Variants in BCORL1 observed in about 807,000 individuals in gnomAD.
BCORL1 encodes the protein BCL6 corepressor like 1, also known as BCL-6 corepressor-like protein 1.
BCORL1 carries 7 observed loss-of-function variants against 87.6 expected under a neutral mutation model. That is an observed-to-expected ratio of 0.08 (90% CI 0.05 to 0.15). The LOEUF (loss-of-function observed/expected upper bound fraction) is 0.15, where lower values mean the gene tolerates loss of function less well. Among genes scored for constraint, BCORL1 ranks in the 10% least tolerant of loss-of-function variants. BCORL1 has a pLI of 1.00. For missense variants in BCORL1, 1,215 were observed against 1,499.7 expected (o/e 0.81, Z 3.13); for synonymous variants, 591 against 634.4 (o/e 0.93, Z 1.03).
chrX:130,047,380 G>A (rs61293582), intron 11 of BCORL1, among the ~76,000 whole-genome samples: 1,564 of 111,888 alleles, frequency 0.014, 24 homozygotes, highest in African/African-American at 0.048. Context: ...GTGAACGTCC[G>A]TGAGGAAATG....
At chrX:129,986,457 G>A (rs1926629093) in intron 1 of BCORL1, among the ~76,000 whole-genome samples, 1 of 111,799 alleles carries the variant, frequency 8.9e-6, no homozygotes, top group African/African-American at 3.3e-5. Flanking sequence ...CAGTGACATA[G>A]ACATTCTTGG....
chrX:130,001,394 C>T (rs190660716), intron 1 of BCORL1, among the ~76,000 whole-genome samples: 6 of 112,328 alleles, frequency 5.3e-5, no homozygotes, highest in South Asian at 3.6e-4. Context: ...TGGCCAAGGA[C>T]GCTATTTCTT....
intron 1 of BCORL1, among the ~76,000 whole-genome samples, chrX:130,003,374 C>CTTCTTCTTT (rs59660230): frequency 1.1e-5 from 1 of 91,516 alleles, no homozygotes; most frequent in African/African-American, 4.3e-5. Flanking sequence ...TCTTCTTCTT[C>CTTCTTCTTT]TTTTTTTTTT....
At chrX:130,047,116 T>C (rs1274194189) in intron 11 of BCORL1, among the ~76,000 whole-genome samples, 1 of 111,808 alleles carries the variant, frequency 8.9e-6, no homozygotes, top group African/African-American at 3.3e-5. Context: ...TATTCTCTTA[T>C]GTGGATATAT....
In BCORL1 at chrX:129,982,675, G is replaced by A. The variant is rs772503395; in HGVS notation, c.-132G>A. ...GCGGCTGCTGCCAGTGTGTGGCTCT[G>A]TCTCTCCTCCGCTTTGCTGAGCCCT... is the stretch of plus-strand genomic sequence containing the variant. On this transcript the variant is annotated 5_prime_UTR_variant, in exon 1 of 14. Coordinates refer to ENST00000540052, the MANE Select transcript of BCORL1 (RefSeq NM_001379451.1). The A allele has an allele frequency of 1.3e-4, 15 of 111,633 alleles. No individual in the cohort carries two copies. The highest frequency in any genetic ancestry group is 4.6e-4 in the African/African-American group (14 of 30,668). The allele number at this position is 111,633 out of a possible 1,213,427, so 9.2% of individuals were successfully genotyped here.
chrX:130,013,561 G>A lies in BCORL1; in HGVS notation c.789G>A (p.Pro263=), dbSNP rs779566006. The A allele has an allele frequency of 5.0e-6, 6 of 1,208,780 alleles. No individual in the cohort carries two copies. The highest frequency in any genetic ancestry group is 3.0e-5 in the East Asian group (1 of 33,724). The change falls in exon 4 of 14, where the codon CCG becomes CCA. Residue 263 remains proline (P), a synonymous_variant. Coordinates refer to ENST00000540052, the MANE Select transcript of BCORL1 (RefSeq NM_001379451.1). ...TCCCGGCTCTGGCTCCAGCGCCACC[G>A]TCAGTGCCCACGCTCATCTCTGACT... is the stretch of plus-strand genomic sequence containing the variant. ...APVPALAPAP[P]SVPTLISDSN... is the part of the protein sequence containing the mutation.
chrX:130,014,822 T>A lies in BCORL1; in HGVS notation c.2050T>A (p.Ser684Thr). The change falls in exon 4 of 14, where the codon TCC becomes ACC. Residue 684 changes from serine to threonine, a missense_variant. Around this residue, in one of 5 missense-constraint regions of BCORL1, gnomAD observed 861 missense variants for 1,010.0 expected, o/e 0.85. Coordinates refer to ENST00000540052, the MANE Select transcript of BCORL1 (RefSeq NM_001379451.1). ...GNVTSCLGST[S>T]SPFVIFPEIV... ...TGTCACCTCCTGCCTGGGCTCCACT[T>A]CCTCGCCCTTTGTCATCTTTCCCGA... 4.1e-6 allele frequency: 5 copies of A among 1,210,881 alleles called. No homozygotes were observed. Among genetic ancestry groups the A allele is most frequent in the Non-Finnish European group, 5.6e-6 (5 of 895,239 alleles).
intron 1 of BCORL1, among the ~76,000 whole-genome samples, chrX:129,991,550 C>T (rs1293092100): frequency 9.1e-6 from 1 of 109,524 alleles, no homozygotes; most frequent in Non-Finnish European, 1.9e-5. Flanking sequence ...CTGTGTTGCC[C>T]AGGCTGTTCT....
chrX:130,055,102 T>C (rs1393850433), intron 13 of BCORL1, among the ~76,000 whole-genome samples: 1 of 111,007 alleles, frequency 9.0e-6, no homozygotes, highest in Non-Finnish European at 1.9e-5. Flanking sequence ...GGACCACTAA[T>C]GTGGGGAGGC....
At chrX:130,024,729 A>G (rs1452755308) in intron 6 of BCORL1, among the ~76,000 whole-genome samples, 1 of 111,258 alleles carries the variant, frequency 9.0e-6, no homozygotes, top group Non-Finnish European at 1.9e-5. Context: ...GGTATATTGG[A>G]CTCTGTAAAG....
chrX:130,004,241 G>GT (rs1189082044), intron 1 of BCORL1, among the ~76,000 whole-genome samples: 3,907 of 85,524 alleles, frequency 0.046, 199 homozygotes, highest in African/African-American at 0.11. Flanking sequence ...GAAATGTGTG[G>GT]TTTTTTTTTT....
chrX:130,043,769 TATATATATA>T (rs1249394063), intron 11 of BCORL1, among the ~76,000 whole-genome samples: 3 of 19,642 alleles, frequency 1.5e-4, no homozygotes, highest in Admixed American at 7.6e-4. Flanking sequence ...TATATATATA[TATATATATA>T]TATATATTTT....
chrX:130,034,082 T>C (rs1930788087), intron 8 of BCORL1, among the ~76,000 whole-genome samples: 2 of 111,880 alleles, frequency 1.8e-5, no homozygotes, highest in Non-Finnish European at 3.8e-5. Context: ...CAATAAATGG[T>C]GATTGAGGCA....
intron 12 of BCORL1, among the ~76,000 whole-genome samples, chrX:130,051,247 C>T (rs370327044): frequency 1.8e-5 from 2 of 112,720 alleles, no homozygotes; most frequent in Admixed American, 9.4e-5. Flanking sequence ...GCCTTCTGGC[C>T]GCAGCTTTCC....
At chrX:129,999,557 C>T (rs892378086) in intron 1 of BCORL1, among the ~76,000 whole-genome samples, 1 of 110,020 alleles carries the variant, frequency 9.1e-6, no homozygotes, top group African/African-American at 3.3e-5. Context: ...ATCCACCTGC[C>T]TTGGCCTCCC....
rs922811571 is a variant in BCORL1, at chrX:130,045,094, T to G, written c.4841-5623T>G. On this transcript the variant is annotated intron_variant, in intron 11 of 13. Coordinates refer to ENST00000540052, the MANE Select transcript of BCORL1 (RefSeq NM_001379451.1). Reference sequence around the variant, plus strand: ...AACCCTTTCTACCTCATGCTTGGGCTTGGAGCGCCAAGCCATCCAAACTCC... The same window carrying G: ...AACCCTTTCTACCTCATGCTTGGGCGTGGAGCGCCAAGCCATCCAAACTCC... Among the ~76,000 whole-genome samples the G allele has an allele frequency of 2.7e-5, 3 of 112,043 alleles. No individual in the cohort carries two copies. In the Admixed American group the frequency reaches 2.8e-4, roughly 11 times the overall value.
Position 129,985,277 on chromosome X carries a change from G to A in BCORL1, c.-45+2515G>A, listed in dbSNP as rs748890129. Among the ~76,000 whole-genome samples the A allele has an allele frequency of 9.7e-4, 109 of 111,968 alleles. 1 individual carries two copies. Among genetic ancestry groups the A allele is most frequent in the Non-Finnish European group, 1.9e-3 (101 of 53,247 alleles). The stretch of plus-strand genomic sequence containing the variant: ...TTCAAGGTTGGAAGGGAGTTTTAAG[G>A]TTATTTACTTTTCTGTTGATATGTC... On this transcript the variant is annotated intron_variant, in intron 1 of 13. Transcript: ENST00000540052.
At chrX:130,003,447 G>A (rs56176224) in intron 1 of BCORL1, among the ~76,000 whole-genome samples, 2,053 of 105,698 alleles carry the variant, frequency 0.019, 47 homozygotes, top group African/African-American at 0.067. Flanking sequence ...GTATCAGCTC[G>A]CCGCAACCTC....
intron 11 of BCORL1, among the ~76,000 whole-genome samples, chrX:130,049,284 A>G (rs1331167509): frequency 1.8e-5 from 2 of 112,361 alleles, no homozygotes; most frequent in African/African-American, 3.2e-5. Flanking sequence ...GTTGGTGGGC[A>G]TTTGGATTGT....
Sources: gnomAD v4.1 joint callset for allele counts (sites outside exome capture counted in the v4.1 genomes callset) on GRCh38, gnomAD v4.1.1 for gene constraint, gnomAD v4.1.1 regional missense constraint, MANE v1.5 for transcripts, NCBI Gene and HGNC (gene_info 2026-07-23, HGNC 2026-07-21) for gene names.